TSEN34: variants seen among roughly 807,000 people sequenced by gnomAD.
The protein encoded by TSEN34 is tRNA splicing endonuclease subunit 34, also known as tRNA-splicing endonuclease subunit Sen34.
Under a neutral mutation model 30.2 loss-of-function variants are expected in TSEN34, and 25 were observed. The observed-to-expected ratio is 0.83, with a 90% confidence interval of 0.60 to 1.16. TSEN34 has a LOEUF of 1.16. Among genes scored for constraint, TSEN34 ranks in the 50% most tolerant of loss-of-function variants. The probability of loss-of-function intolerance (pLI) is 0.00; values close to 1 mark genes in which losing one functional copy is unlikely to be tolerated. For synonymous variants in TSEN34, 209 were observed against 177.4 expected, an observed-to-expected ratio of 1.18 and a Z score of -1.41; for missense variants, 475 against 411.9, an observed-to-expected ratio of 1.15 and a Z score of -1.33.
Position 54,193,783 on chromosome 19 carries a change from A to AAT in TSEN34, c.*423_*424dup. ...CTTGCCCAAAGTCACACACTTAGTA[A>AAT]ATAGCAGGCCTGGCCTTTCAAAATT... On this transcript the variant is annotated 3_prime_UTR_variant, in exon 4 of 4. Transcript: ENST00000396388. The AAT allele has an allele frequency of 1.5e-6, 1 of 684,014 alleles. No individual in the cohort carries two copies. Among genetic ancestry groups the AAT allele is most frequent in the East Asian group, 2.7e-5 (1 of 37,056 alleles). 42.4% of individuals were successfully genotyped at this position (684,014 alleles called of 1,614,324 possible).
At chr19:54,191,697 G>A (rs762436655) in intron 1 of TSEN34, 24 bp from the exon 2 acceptor site, 38 of 1,613,644 alleles carry the variant, frequency 2.4e-5, no homozygotes, top group Non-Finnish European at 3.1e-5. Flanking sequence ...AAGCTTGGAG[G>A]TTCCAGCGAA....
At chr19:54,190,542 C>T (rs373840954), upstream of TSEN34, 6 of 1,252,238 alleles carry the variant, frequency 4.8e-6, no homozygotes, top group South Asian at 1.2e-4. Flanking sequence ...AACTCCCCAA[C>T]TGGGGTGCGC....
upstream of TSEN34, chr19:54,190,350 A>T: frequency 6.5e-7 from 1 of 1,527,742 alleles, no homozygotes; most frequent in Non-Finnish European, 8.8e-7. Context: ...CTCCACCTCG[A>T]CTGCGAATTA....
upstream of TSEN34, chr19:54,190,681 T>A: frequency 1.1e-5 from 13 of 1,222,706 alleles, no homozygotes; most frequent in Non-Finnish European, 1.2e-5. Flanking sequence ...CACCCGAACG[T>A]CAAATTGCTG....
In TSEN34 at chr19:54,191,798, C is replaced by T. The variant is rs2076713664; in HGVS notation, c.321C>T (p.Thr107=). ...CCTTGGCAGCTGAGGCCCGGGAGACCCGTCGTCAGGAGCTCCTGGAGAAGA... is the reference window on the plus strand; with the variant it reads ...CCTTGGCAGCTGAGGCCCGGGAGACTCGTCGTCAGGAGCTCCTGGAGAAGA... The part of the protein sequence containing the change: ...QSALAAEARE[T]RRQELLEKIT... The change falls in exon 2 of 4, where the codon ACC becomes ACT. Residue 107 remains threonine (T), a synonymous_variant. Transcript: ENST00000396388. 1 of 1,614,182 alleles carries T rather than the reference C, an allele frequency of 6.2e-7. No homozygotes were observed. The highest frequency in any genetic ancestry group is 1.3e-5 in the African/African-American group (1 of 75,042).
Position 54,191,638 on chromosome 19 carries a change from G to A in TSEN34, c.243+31G>A, listed in dbSNP as rs751414263. 20 of 1,607,334 alleles carry A rather than the reference G, an allele frequency of 1.2e-5. No individual in the cohort carries two copies. The Admixed American group carries it at 2.5e-4, about 20-fold the overall frequency. On this transcript the variant is annotated intron_variant, in intron 1 of 3. Coordinates refer to ENST00000396388, the MANE Select transcript of TSEN34 (RefSeq NM_001077446.4). ...GGGGCGGGGCTCGAACTCGGGTTCG[G>A]TGGGAGCGGGACCTGGGAGTCAAGT...
In TSEN34 at chr19:54,193,678, T is replaced by C. The variant is rs1039534577; in HGVS notation, c.*316T>C. Reference sequence around the variant, plus strand: ...GGTATATAAATGTTCATGATTTGAATGTTTGCGACAGTCCTGGAACCCGTG... The same window carrying C: ...GGTATATAAATGTTCATGATTTGAACGTTTGCGACAGTCCTGGAACCCGTG... On this transcript the variant is annotated 3_prime_UTR_variant, in exon 4 of 4. Transcript: ENST00000396388. 1 of 872,480 alleles carries C rather than the reference T, an allele frequency of 1.1e-6. No individual in the cohort carries two copies. The highest frequency in any genetic ancestry group is 1.8e-6 in the Non-Finnish European group (1 of 540,638). 54.0% of individuals were successfully genotyped at this position (872,480 alleles called of 1,614,324 possible). A position where few individuals can be genotyped will look rare whatever the true frequency, so the allele number is the denominator to read the frequency against.
At position 54,193,162 on chromosome 19, in the gene TSEN34, C is replaced by T. The variant is rs1293119090; in HGVS notation, c.746-13C>T. On this transcript the variant is annotated splice_polypyrimidine_tract_variant and intron_variant, in intron 3 of 3. Transcript: ENST00000396388. ...CATTGGTCACTGCTTCAGTGCCTCT[C>T]TCCTTCCCCCAGGTGACCCCCTCCG... is the stretch of plus-strand genomic sequence containing the variant. 9 of 1,612,840 alleles carry T rather than the reference C, an allele frequency of 5.6e-6. No homozygotes were observed. Among genetic ancestry groups the T allele is most frequent in the African/African-American group, 1.3e-5 (1 of 74,986 alleles).
Position 54,193,467 on chromosome 19 carries a change from G to A in TSEN34, c.*105G>A, listed in dbSNP as rs541656731. The stretch of plus-strand genomic sequence containing the variant: ...AGAACATCCTCCTACCTTTCTCCGC[G>A]GTTAGTTTTTGATTCCAGGTTTTCG... On this transcript the variant is annotated 3_prime_UTR_variant, in exon 4 of 4. Coordinates refer to ENST00000396388, the MANE Select transcript of TSEN34 (RefSeq NM_001077446.4). 17 of 1,567,176 alleles carry A rather than the reference G, an allele frequency of 1.1e-5. No individual in the cohort carries two copies. In the African/African-American group the frequency reaches 1.8e-4, roughly 16 times the overall value.
At chr19:54,192,073 T>A in intron 2 of TSEN34, 43 bp from the exon 3 acceptor site, 1 of 1,614,214 alleles carries the variant, frequency 6.2e-7, no homozygotes. Flanking sequence ...GAGAAGACTT[T>A]ACCCCTTGAA....
In TSEN34 at chr19:54,191,384, C is replaced by A; in HGVS notation, c.20C>A (p.Ala7Glu). The A allele has an allele frequency of 6.5e-7, 1 of 1,549,668 alleles. No individual in the cohort carries two copies. The highest frequency in any genetic ancestry group is 8.7e-7 in the Non-Finnish European group (1 of 1,147,034). The change falls in exon 1 of 4, where the codon GCG becomes GAG. Residue 7 changes from alanine (A) to glutamate (E), a missense_variant. Transcript: ENST00000396388. The part of the protein sequence containing the change: MLVVEV[A>E]NGRSLVWGAE... The stretch of plus-strand genomic sequence containing the variant: ...AGGAGGATGCTGGTGGTGGAGGTGG[C>A]GAACGGCCGCTCCCTGGTGTGGGGA...
chr19:54,193,005 C>CAAAAAAAAAAA (rs4006644), intron 3 of TSEN34, among the ~76,000 whole-genome samples, 170 bp from the exon 4 acceptor site: 47 of 99,116 alleles, frequency 4.7e-4, no homozygotes, highest in African/African-American at 1.4e-3. Context: ...GACTTTGTCT[C>CAAAAAAAAAAA]AAAAAAAAAA....
At chr19:54,190,085 C>G (rs574317698), upstream of TSEN34, 3 of 535,476 alleles carry the variant, frequency 5.6e-6, no homozygotes, top group Admixed American at 1.1e-4. Flanking sequence ...ACCCCGAGGG[C>G]CGGCGTGCGC....
At position 54,191,741 on chromosome 19, in the gene TSEN34, C is replaced by A. The variant is rs778134483; in HGVS notation, c.264C>A (p.Arg88=). The A allele has an allele frequency of 2.6e-5, 42 of 1,614,096 alleles. No homozygotes were observed. Among genetic ancestry groups the A allele is most frequent in the Non-Finnish European group, 3.6e-5 (42 of 1,180,026 alleles). ...HHSLALTSFK[R]QQEESFQEQS... ...CTCAGGCCCTGACATCCTTCAAGCG[C>A]CAGCAAGAGGAGAGCTTCCAGGAGC... is the stretch of plus-strand genomic sequence containing the variant. Residue 88 remains arginine, a synonymous_variant, in exon 2 of 4, where the codon CGC becomes CGA. Coordinates refer to ENST00000396388, the MANE Select transcript of TSEN34 (RefSeq NM_001077446.4).
chr19:54,190,777 G>A, upstream of TSEN34: 6 of 1,142,522 alleles, frequency 5.3e-6, no homozygotes, highest in Non-Finnish European at 5.4e-6. Flanking sequence ...AGGGGGCAGG[G>A]TTTTGTACTG....
At chr19:54,190,471 A>G, upstream of TSEN34, 1 of 1,379,260 alleles carries the variant, frequency 7.3e-7, no homozygotes, top group Non-Finnish European at 9.4e-7. Context: ...CCGAGCGGAG[A>G]GTGGACGGCG....
At chr19:54,193,043 T>C in intron 3 of TSEN34, 132 bp from the exon 4 acceptor site, 1 of 1,338,214 alleles carries the variant, frequency 7.5e-7, no homozygotes, top group Non-Finnish European at 1.0e-6. Flanking sequence ...AATAGTTGTG[T>C]CCAAGAGCAT....
At position 54,191,309 on chromosome 19, in the gene TSEN34, G is replaced by C. The variant is rs2076679156; in HGVS notation, c.-56G>C. The C allele has an allele frequency of 1.3e-6, 2 of 1,546,940 alleles. No individual in the cohort carries two copies. Among genetic ancestry groups the C allele is most frequent in the Non-Finnish European group, 1.7e-6 (2 of 1,145,944 alleles). On this transcript the variant is annotated 5_prime_UTR_variant, in exon 1 of 4. Coordinates refer to ENST00000396388, the MANE Select transcript of TSEN34 (RefSeq NM_001077446.4). The stretch of plus-strand genomic sequence containing the variant: ...CGGAGGCTTTGGGTGCGCTGCAGCG[G>C]TCCGCGGCGCGCAGCTGTTTCGGTA...
chr19:54,191,002 T>G, upstream of TSEN34: 5 of 1,114,400 alleles, frequency 4.5e-6, no homozygotes, highest in South Asian at 3.2e-5. Flanking sequence ...TCGCCGCGCT[T>G]GCGGAGGTTT....
Sources: gnomAD v4.1 joint callset for allele counts (sites outside exome capture counted in the v4.1 genomes callset) on GRCh38, gnomAD v4.1.1 for gene constraint, MANE v1.5 for transcripts, NCBI Gene and HGNC (gene_info 2026-07-23, HGNC 2026-07-21) for gene names.